Variants in GALNT13 observed in about 807,000 individuals in gnomAD.
GALNT13 encodes the protein UDP-GalNAc:polypeptide N-acetylgalactosaminyltransferase 13.
Under a neutral mutation model 64.2 loss-of-function variants are expected in GALNT13, and 28 were observed. The observed-to-expected ratio is 0.44, with a 90% CI of 0.32 to 0.60. The LOEUF (loss-of-function observed/expected upper bound fraction) is 0.60, where lower values mean the gene tolerates loss of function less well. Among genes scored for constraint, GALNT13 ranks in the 20% least tolerant of loss-of-function variants. The pLI is 0.05. For synonymous variants in GALNT13, 214 were observed against 224.6 expected, an observed-to-expected ratio of 0.95 and a Z score of 0.42; for missense variants, 577 against 669.8, an observed-to-expected ratio of 0.86 and a Z score of 1.53.
At chr2:154,225,471 T>A (rs1688566593) in intron 4 of GALNT13, among the ~76,000 whole-genome samples, 1 of 152,086 alleles carries the variant, frequency 6.6e-6, no homozygotes, top group Non-Finnish European at 1.5e-5. Context: ...TGAATTTACC[T>A]TTCATTCAGC....
chr2:154,035,535 C>G (rs955648250), intron 3 of GALNT13, among the ~76,000 whole-genome samples: 3 of 151,870 alleles, frequency 2.0e-5, no homozygotes, highest in Admixed American at 6.6e-5. Context: ...ATTAATTAGT[C>G]ATTTTTTAAG....
intron 3 of GALNT13, among the ~76,000 whole-genome samples, chr2:154,009,752 G>A (rs1696502553): frequency 6.6e-6 from 1 of 151,834 alleles, no homozygotes. Context: ...GGCCTCCCAA[G>A]GTATGACCAT....
chr2:153,269,802 T>C, the GALNT13 span, among the ~76,000 whole-genome samples: 2 of 152,108 alleles, frequency 1.3e-5, no homozygotes, highest in African/African-American at 4.8e-5. Context: ...GAGAAACAAG[T>C]ACTTTCTTTA....
At chr2:153,202,797 T>A in the GALNT13 span, among the ~76,000 whole-genome samples, 1 of 152,218 alleles carries the variant, frequency 6.6e-6, no homozygotes, top group Non-Finnish European at 1.5e-5. Context: ...TTAAAAAACA[T>A]ATATTTGTTA....
At chr2:153,725,498 A>G in the GALNT13 span, among the ~76,000 whole-genome samples, 5 of 151,532 alleles carry the variant, frequency 3.3e-5, no homozygotes, top group African/African-American at 1.2e-4. Context: ...AAAAAAAGAA[A>G]AAAGCTAATA....
chr2:153,228,927 C>T, the GALNT13 span, among the ~76,000 whole-genome samples: 1 of 148,896 alleles, frequency 6.7e-6, no homozygotes, highest in Non-Finnish European at 1.5e-5. Flanking sequence ...TACCTTGTAT[C>T]CAAATCTACA....
chr2:153,197,217 C>T, the GALNT13 span, among the ~76,000 whole-genome samples: 1 of 152,172 alleles, frequency 6.6e-6, no homozygotes, highest in Non-Finnish European at 1.5e-5. Flanking sequence ...TTTTCTAAAC[C>T]TGTTGTTAGG....
At chr2:153,822,321 CA>C in the GALNT13 span, among the ~76,000 whole-genome samples, 1 of 151,908 alleles carries the variant, frequency 6.6e-6, no homozygotes, top group South Asian at 2.1e-4. Flanking sequence ...ACATAGATGC[CA>C]AAATCCTCAG....
At chr2:153,179,488 G>A in the GALNT13 span, among the ~76,000 whole-genome samples, 5 of 152,108 alleles carry the variant, frequency 3.3e-5, no homozygotes, top group Admixed American at 1.3e-4. Flanking sequence ...ATAGTGTGAT[G>A]TTTCCAGCTT....
At chr2:153,961,859 G>A (rs962601254) in intron 3 of GALNT13, among the ~76,000 whole-genome samples, 1 of 152,136 alleles carries the variant, frequency 6.6e-6, no homozygotes. Flanking sequence ...GGGCCATGTT[G>A]TACAGAGACA....
At chr2:153,485,930 C>T in the GALNT13 span, among the ~76,000 whole-genome samples, 1 of 151,966 alleles carries the variant, frequency 6.6e-6, no homozygotes, top group South Asian at 2.1e-4. Context: ...AATAAATCAC[C>T]TTCCTTTTGT....
At chr2:153,708,164 G>GA in the GALNT13 span, among the ~76,000 whole-genome samples, 10 of 149,738 alleles carry the variant, frequency 6.7e-5, no homozygotes, top group East Asian at 3.9e-4. Context: ...ATTTTAGAAT[G>GA]AAAAAAAAAG....
intron 1 of GALNT13, among the ~76,000 whole-genome samples, chr2:153,878,706 C>CA (rs1240124672): frequency 6.6e-6 from 1 of 152,050 alleles, no homozygotes; most frequent in African/African-American, 2.4e-5. Flanking sequence ...ATCTTCCCTC[C>CA]AAAAAACACA....
rs72868392 is a variant in GALNT13, at chr2:154,385,485, T to C, written c.1157-10506T>C. ...GAGTGAACAAGAGCATGGATTTTGA[T>C]ATTAGATAAAAGTGAACAACATTTG... On this transcript the variant is annotated intron_variant, in intron 9 of 12. Transcript: ENST00000392825. 8.1e-3 allele frequency among the ~76,000 whole-genome samples: 1,227 copies of C among 152,090 alleles called. 8 individuals carry two copies. The highest frequency in any genetic ancestry group is 0.017 in the Middle Eastern group (5 of 294).
chr2:153,469,939 C>G, the GALNT13 span, among the ~76,000 whole-genome samples: 1 of 151,928 alleles, frequency 6.6e-6, no homozygotes, highest in African/African-American at 2.4e-5. Context: ...AATACCTGCC[C>G]CAGAAATTCA....
At chr2:154,167,103 G>C (rs1685075005) in intron 4 of GALNT13, among the ~76,000 whole-genome samples, 1 of 151,968 alleles carries the variant, frequency 6.6e-6, no homozygotes, top group African/African-American at 2.4e-5. Context: ...TTGTGCACGT[G>C]TATTGTAGAA....
At chr2:154,231,843 T>C (rs1161086276) in intron 4 of GALNT13, among the ~76,000 whole-genome samples, 1 of 151,364 alleles carries the variant, frequency 6.6e-6, no homozygotes, top group Non-Finnish European at 1.5e-5. Flanking sequence ...TATTTTTGTA[T>C]AGATTTTTAA....
At chr2:153,668,830 G>T in the GALNT13 span, among the ~76,000 whole-genome samples, 1 of 152,156 alleles carries the variant, frequency 6.6e-6, no homozygotes. Flanking sequence ...ATTCCAGGCT[G>T]TCCAGAGGCC....
the GALNT13 span, among the ~76,000 whole-genome samples, chr2:153,793,021 G>A: frequency 6.8e-6 from 1 of 146,888 alleles, no homozygotes. Flanking sequence ...GCCCAGGCTG[G>A]AGTGCAGTGG....
Sources: allele counts gnomAD v4.1 joint callset (sites outside exome capture counted in the v4.1 genomes callset), GRCh38; gene constraint gnomAD v4.1.1; transcripts MANE v1.5; gene names NCBI Gene and HGNC (gene_info 2026-07-23, HGNC 2026-07-21).